CCDC171: variants seen among roughly 807,000 people sequenced by gnomAD.
CCDC171 encodes coiled-coil domain-containing protein 171.
A neutral mutation model predicts 168.2 loss-of-function variants in CCDC171; 177 were observed. That is an observed-to-expected ratio of 1.05 (90% CI 0.93 to 1.19). CCDC171 has a LOEUF of 1.19. CCDC171 is among the 50% of genes most tolerant of loss of function. The pLI is 0.00. For synonymous variants in CCDC171, 687 were observed against 540.8 expected (o/e 1.27, Z -3.75); for missense variants, 1,991 against 1,539.0 (o/e 1.29, Z -4.91).
intron 1 of CCDC171, among the ~76,000 whole-genome samples, chr9:16,047,587 A>G (rs1265677691): frequency 1.3e-5 from 2 of 152,166 alleles, no homozygotes; most frequent in Non-Finnish European, 2.9e-5. Flanking sequence ...TTCTATTTGA[A>G]GGTTTTTAAA....
chr9:15,922,716 C>T (rs779306647), intron 25 of CCDC171, among the ~76,000 whole-genome samples: 5 of 151,584 alleles, frequency 3.3e-5, no homozygotes, highest in African/African-American at 9.7e-5. Context: ...TTTTTCTCCA[C>T]GTCTTCACCA....
At chr9:15,860,936 A>G (rs199544684) in intron 23 of CCDC171, among the ~76,000 whole-genome samples, 7 of 144,264 alleles carry the variant, frequency 4.9e-5, no homozygotes, top group South Asian at 4.5e-4. Flanking sequence ...GTTGTTAGGG[A>G]TGTGTGTGTG....
At chr9:15,851,783 C>G (rs1387008971) in intron 23 of CCDC171, among the ~76,000 whole-genome samples, 1 of 151,790 alleles carries the variant, frequency 6.6e-6, no homozygotes, top group Non-Finnish European at 1.5e-5. Flanking sequence ...CCTTCTGTCT[C>G]TATGGATTTT....
intron 7 of CCDC171, among the ~76,000 whole-genome samples, chr9:15,636,722 C>T (rs35329453): frequency 0.14 from 19,736 of 136,522 alleles, 1,721 homozygotes; most frequent in Non-Finnish European, 0.21. Flanking sequence ...TGTACTCTAG[C>T]CTGGGCAACA....
intron 7 of CCDC171, 128 bp from the exon 8 acceptor site, chr9:15,656,999 C>T (rs1264852332): frequency 2.2e-6 from 1 of 463,092 alleles, no homozygotes; most frequent in South Asian, 5.9e-5. Context: ...TCCATTCTTG[C>T]AAAGAAAAAA....
At chr9:15,624,293 T>C (rs2044840594) in intron 7 of CCDC171, among the ~76,000 whole-genome samples, 1 of 152,092 alleles carries the variant, frequency 6.6e-6, no homozygotes, top group East Asian at 1.9e-4. Flanking sequence ...CAGAGAATAA[T>C]ATATGACAAT....
intron 7 of CCDC171, 62 bp downstream of exon 7, chr9:15,623,475 G>GCGCGCACGCGCGCACACACA: frequency 3.2e-6 from 1 of 311,464 alleles, no homozygotes; most frequent in Non-Finnish European, 5.9e-6. Flanking sequence ...GCGCGCGCGC[G>GCGCGCACGCGCGCACACACA]CACACACACA....
rs1050799184 is a variant in CCDC171 at position 15,602,632 on chromosome 9, CT to C, written c.675+8474del. Among the ~76,000 whole-genome samples, 108 of 31,028 alleles carry C rather than the reference CT, an allele frequency of 3.5e-3. 1 individual carries two copies. The highest frequency in any genetic ancestry group is 9.1e-3 in the South Asian group (7 of 770). The allele number at this position is 31,028 out of a possible 152,430, so 20.4% of individuals were successfully genotyped here. A position where few individuals can be genotyped will look rare whatever the true frequency, so the allele number is the denominator to read the frequency against. On this transcript the variant is annotated intron_variant, in intron 6 of 25. Transcript: ENST00000380701. ...CATTTTAAGATAGTGTTTCTCATTT[CT>C]TTTTTTTTTTTTTCTTTTTTTTTTT...
rs533668676 is a variant in CCDC171 at position 15,812,768 on chromosome 9, T to C, written c.3267+28074T>C. On this transcript the variant is annotated intron_variant, in intron 21 of 25. Coordinates refer to ENST00000380701, the MANE Select transcript of CCDC171 (RefSeq NM_173550.4). ...GCCCAACAAGATTTCATTATTATTGTGGACCAGTGACTGCTACTTGTTGCC... is the reference window on the plus strand; with the variant it reads ...GCCCAACAAGATTTCATTATTATTGCGGACCAGTGACTGCTACTTGTTGCC... 1.6e-4 allele frequency among the ~76,000 whole-genome samples: 25 copies of C among 152,348 alleles called. No individual in the cohort carries two copies. In the South Asian group the frequency reaches 5.2e-3, roughly 32 times the overall value.
At chr9:15,554,988 T>G (rs1178981832) in intron 1 of CCDC171, among the ~76,000 whole-genome samples, 1 of 152,140 alleles carries the variant, frequency 6.6e-6, no homozygotes, top group Non-Finnish European at 1.5e-5. Context: ...CCCTCGTTTT[T>G]CCTCTGATCT....
intron 6 of CCDC171, among the ~76,000 whole-genome samples, chr9:15,615,143 T>G (rs964575620): frequency 3.9e-5 from 6 of 152,106 alleles, no homozygotes; most frequent in Admixed American, 2.6e-4. Context: ...GCTAACCAAA[T>G]GTAGCAAGAT....
intron 3 of CCDC171, among the ~76,000 whole-genome samples, chr9:16,014,100 T>C (rs1832949690): frequency 6.6e-6 from 1 of 152,254 alleles, no homozygotes; most frequent in South Asian, 2.1e-4. Context: ...GTGGAACTTC[T>C]TTTAAAATGT....
chr9:15,837,226 T>A (rs996646423), intron 21 of CCDC171, among the ~76,000 whole-genome samples: 93 of 152,214 alleles, frequency 6.1e-4, no homozygotes, highest in Non-Finnish European at 2.9e-4. Flanking sequence ...GAGCATTTTC[T>A]AGGCTCCAGA....
intron 23 of CCDC171, among the ~76,000 whole-genome samples, chr9:15,865,648 T>C (rs1275526510): frequency 6.6e-6 from 1 of 152,074 alleles, no homozygotes; most frequent in Admixed American, 6.6e-5. Context: ...TTCTTTTTTC[T>C]AGCTTTATTA....
the CCDC171 span, among the ~76,000 whole-genome samples, chr9:16,074,689 G>C: frequency 6.6e-6 from 1 of 152,192 alleles, no homozygotes; most frequent in Non-Finnish European, 1.5e-5. Flanking sequence ...GCAAAGAGGT[G>C]GCAGAAGATA....
chr9:15,568,688 T>G lies in CCDC171; in HGVS notation c.42-2936T>G, dbSNP rs189574134. 2.4e-4 allele frequency among the ~76,000 whole-genome samples: 37 copies of G among 152,388 alleles called. No homozygotes were observed. The East Asian group carries it at 6.5e-3, about 27-fold the overall frequency. On this transcript the variant is annotated intron_variant, in intron 2 of 25. Coordinates refer to ENST00000380701, the MANE Select transcript of CCDC171 (RefSeq NM_173550.4). ...ACTGAGCTTTGTTTCATATGCTTGT[T>G]GGCTGCATGTATGTCTTCTCTTGAA...
chr9:15,650,308 T>C (rs1453992019), intron 7 of CCDC171, among the ~76,000 whole-genome samples: 2 of 151,996 alleles, frequency 1.3e-5, no homozygotes, highest in Non-Finnish European at 2.9e-5. Context: ...AAATGATGAG[T>C]TGATGGGTGC....
rs900093597 is a variant in CCDC171, at chr9:15,817,653, G to C, written c.3268-29049G>C. Among the ~76,000 whole-genome samples, 6 of 118,428 alleles carry C rather than the reference G, an allele frequency of 5.1e-5. 2 individuals are homozygous for C. The highest frequency in any genetic ancestry group is 1.3e-4 in the African/African-American group (4 of 31,578). The allele number at this position is 118,428 out of a possible 152,430, so 77.7% of individuals were successfully genotyped here. A position where few individuals can be genotyped will look rare whatever the true frequency, so the allele number is the denominator to read the frequency against. On this transcript the variant is annotated intron_variant, in intron 21 of 25. Transcript: ENST00000380701. ...GTGGCAGGGAGGCTGGGGGAGGGGCGCCTGCCATTGCTGAGGCTTGAGTAG... is the reference window on the plus strand; with the variant it reads ...GTGGCAGGGAGGCTGGGGGAGGGGCCCCTGCCATTGCTGAGGCTTGAGTAG...
At chr9:15,991,226 A>T (rs547819167) in intron 3 of CCDC171, among the ~76,000 whole-genome samples, 6 of 152,070 alleles carry the variant, frequency 3.9e-5, no homozygotes, top group Non-Finnish European at 8.8e-5. Context: ...AACAAAAATT[A>T]TAAACTCAGA....
Sources: gnomAD v4.1 joint callset for allele counts (sites outside exome capture counted in the v4.1 genomes callset) on GRCh38, gnomAD v4.1.1 for gene constraint, MANE v1.5 for transcripts, NCBI Gene and HGNC (gene_info 2026-07-23, HGNC 2026-07-21) for gene names.